The following CUX1 variants were observed in gnomAD, a reference collection of about 807,000 sequenced individuals.
CUX1 encodes the protein cut like homeobox 1.
Under a neutral mutation model 158.8 loss-of-function variants are expected in CUX1, and 31 were observed. The observed-to-expected ratio is 0.20, with a 90% CI of 0.15 to 0.26. The LOEUF is 0.26. Among genes scored for constraint, CUX1 ranks in the 10% least tolerant of loss-of-function variants. The pLI, the probability that CUX1 is intolerant of heterozygous loss-of-function variation, is 1.00. For missense variants in CUX1, 1,589 were observed against 2,014.6 expected, an observed-to-expected ratio of 0.79 and a Z score of 4.04; for synonymous variants, 879 against 862.1, an observed-to-expected ratio of 1.02 and a Z score of -0.34.
At chr7:102,273,352 T>C in intron 14 of CUX1, 4 of 1,610,286 alleles carry the variant, frequency 2.5e-6, no homozygotes, top group Non-Finnish European at 3.4e-6. Flanking sequence ...GGCCATGTCT[T>C]CCTTTGGCCA....
chr7:101,831,916 G>T (rs958666339), intron 1 of CUX1, among the ~76,000 whole-genome samples: 1 of 148,380 alleles, frequency 6.7e-6, no homozygotes, highest in African/African-American at 2.5e-5. Flanking sequence ...TAACTTTTTT[G>T]TATTTTTTGT....
exon 21 of CUX1, chr7:102,281,888 T>C (rs782670312): frequency 2.5e-6 from 4 of 1,613,544 alleles, no homozygotes; most frequent in Non-Finnish European, 3.4e-6. Context: ...CGGCTTCTTC[T>C]ACACACTGTT....
chr7:102,056,358 C>T (rs1824122635), intron 3 of CUX1, among the ~76,000 whole-genome samples: 1 of 152,140 alleles, frequency 6.6e-6, no homozygotes, highest in Non-Finnish European at 1.5e-5. Context: ...TGCAGGCCGA[C>T]TCTCGTTAGG....
intron 9 of CUX1, among the ~76,000 whole-genome samples, chr7:102,159,582 C>G (rs1466324863): frequency 6.6e-6 from 1 of 152,206 alleles, no homozygotes; most frequent in Non-Finnish European, 1.5e-5. Flanking sequence ...GTCCCCCAGC[C>G]GGGCACAGTG....
At chr7:101,981,874 T>C (rs1813491565) in intron 2 of CUX1, among the ~76,000 whole-genome samples, 1 of 152,136 alleles carries the variant, frequency 6.6e-6, no homozygotes, top group Admixed American at 6.5e-5. Flanking sequence ...CCTCCCAAAG[T>C]GCTGGGATTA....
chr7:101,990,959 C>T (rs999624337), intron 2 of CUX1, among the ~76,000 whole-genome samples: 4 of 152,158 alleles, frequency 2.6e-5, no homozygotes, highest in African/African-American at 4.8e-5. Context: ...TGCTCTTTTC[C>T]TCTCAGATAT....
chr7:101,870,897 G>A (rs1284529546), intron 1 of CUX1, among the ~76,000 whole-genome samples: 1 of 152,220 alleles, frequency 6.6e-6, no homozygotes, highest in Non-Finnish European at 1.5e-5. Context: ...TAAATAGTAA[G>A]GCGCCTCGCC....
At chr7:101,823,174 A>G (rs969891086) in intron 1 of CUX1, among the ~76,000 whole-genome samples, 6 of 152,046 alleles carry the variant, frequency 3.9e-5, no homozygotes, top group Non-Finnish European at 7.4e-5. Flanking sequence ...TGTGGCCACA[A>G]AGTTCGTCGC....
intron 2 of CUX1, among the ~76,000 whole-genome samples, chr7:101,928,757 G>A (rs1479025354): frequency 6.7e-6 from 1 of 148,458 alleles, no homozygotes; most frequent in East Asian, 2.0e-4. Context: ...TGCAAGCTCC[G>A]CCTCCCGGGT....
At chr7:102,055,236 G>A (rs1182944564) in intron 3 of CUX1, among the ~76,000 whole-genome samples, 1 of 151,378 alleles carries the variant, frequency 6.6e-6, no homozygotes, top group Non-Finnish European at 1.5e-5. Flanking sequence ...TTCACTTTCA[G>A]ATCATTTATT....
chr7:101,969,764 T>G (rs1811706470), intron 2 of CUX1, among the ~76,000 whole-genome samples: 1 of 152,052 alleles, frequency 6.6e-6, no homozygotes, highest in South Asian at 2.1e-4. Flanking sequence ...CTATCTTTAG[T>G]TGAAAATGTG....
chr7:102,230,305 G>A (rs448591), intron 21 of CUX1, among the ~76,000 whole-genome samples: 55,969 of 150,886 alleles, frequency 0.37, 11,898 homozygotes, highest in East Asian at 0.87. Context: ...GTGAGACCCC[G>A]TCTCTACAAA....
chr7:101,888,651 G>A (rs1800517662), intron 1 of CUX1, among the ~76,000 whole-genome samples: 1 of 152,160 alleles, frequency 6.6e-6, no homozygotes, highest in East Asian at 1.9e-4. Context: ...GTGCGGTGGT[G>A]CAATCTCAGC....
chr7:102,006,287 A>T (rs1040190551), intron 2 of CUX1, among the ~76,000 whole-genome samples: 1 of 152,188 alleles, frequency 6.6e-6, no homozygotes, highest in African/African-American at 2.4e-5. Context: ...CTCTTTGAAC[A>T]GGGAAGCCTC....
intron 1 of CUX1, among the ~76,000 whole-genome samples, chr7:101,830,815 A>G (rs1793900726): frequency 6.6e-6 from 1 of 152,186 alleles, no homozygotes; most frequent in South Asian, 2.1e-4. Context: ...TTTGTTAAAA[A>G]TTTATAAATT....
rs1259911968 is a variant in CUX1, at chr7:102,248,280, T to TGGAGGGGCAC, written c.3888-123_3888-114dup. 2.5e-6 allele frequency: 2 copies of TGGAGGGGCAC among 814,602 alleles called. No homozygotes were observed. The highest frequency in any genetic ancestry group is 3.6e-6 in the Non-Finnish European group (2 of 550,050). The allele number at this position is 814,602 out of a possible 1,614,324, so 50.5% of individuals were successfully genotyped here. On this transcript the variant is annotated intron_variant, in intron 23 of 23. Coordinates refer to ENST00000292535, the MANE Select transcript of CUX1 (RefSeq NM_181552.4). This position sits in a 1 kb window ranked among gnomAD's most constrained non-coding sequence, Gnocchi z 5.8. ...GGCTGCCCCGTGGCCCGAGGGTCGC[T>TGGAGGGGCAC]GGAGGGGCACGGAGGGGCCTCCAGG...
intron 14 of CUX1, among the ~76,000 whole-genome samples, chr7:102,267,036 A>G (rs1026337685): frequency 6.6e-6 from 1 of 152,020 alleles, no homozygotes; most frequent in South Asian, 2.1e-4. Context: ...ACCCCATTGC[A>G]TAGGGGTGGG....
intron 1 of CUX1, among the ~76,000 whole-genome samples, chr7:101,821,020 T>G (rs916036877): frequency 2.4e-4 from 36 of 152,332 alleles, no homozygotes; most frequent in African/African-American, 8.2e-4. Context: ...TACCTGTGAA[T>G]GCCTGGATGC....
chr7:101,903,572 T>G (rs967483200), intron 1 of CUX1, among the ~76,000 whole-genome samples: 1 of 152,198 alleles, frequency 6.6e-6, no homozygotes, highest in African/African-American at 2.4e-5. Context: ...AGTAATGTCA[T>G]GTGGTTTGAG....
Sources: gnomAD v4.1 joint callset for allele counts (sites outside exome capture counted in the v4.1 genomes callset) on GRCh38, gnomAD v4.1.1 for gene constraint, Gnocchi (gnomAD v3.1) non-coding constraint, MANE v1.5 for transcripts, NCBI Gene and HGNC (gene_info 2026-07-23, HGNC 2026-07-21) for gene names.